RAD51C: variants seen among roughly 807,000 people sequenced by gnomAD.
RAD51C encodes the protein RAD51 paralog C, also known as DNA repair protein RAD51 homolog 3.
A neutral mutation model predicts 45.0 loss-of-function variants in RAD51C; 42 were observed. The ratio of observed to expected loss-of-function variants is 0.93; its 90% CI spans 0.73 to 1.21. The LOEUF (loss-of-function observed/expected upper bound fraction) is 1.21, where lower values mean the gene tolerates loss of function less well. RAD51C is among the 50% of genes most tolerant of loss of function. The probability of loss-of-function intolerance (pLI) is 0.00; values close to 1 mark genes in which losing one functional copy is unlikely to be tolerated. For missense variants in RAD51C, 474 were observed against 452.2 expected, an observed-to-expected ratio of 1.05 and a Z score of -0.44; for synonymous variants, 172 against 159.8, an observed-to-expected ratio of 1.08 and a Z score of -0.58.
intron 7 of RAD51C, among the ~76,000 whole-genome samples, chr17:58,726,299 T>A (rs1006297366): frequency 6.6e-6 from 1 of 150,928 alleles, no homozygotes; most frequent in Non-Finnish European, 1.5e-5. Context: ...ACTGAATAAG[T>A]AGTAAATAAT....
At position 58,720,772 on chromosome 17, in the gene RAD51C, A is replaced by C; in HGVS notation, c.864A>C (p.Thr288=). Residue 288 remains threonine, a synonymous_variant, in exon 6 of 9, where the codon ACA becomes ACC. Transcript: ENST00000337432. ...LAVILTNQMT[T]KIDRNQALLV... is the part of the protein sequence containing the mutation. ...TAATTTTAACCAATCAGATGACAAC[A>C]AAGATTGATAGAAATCAGGCCTTGC... The C allele has an allele frequency of 6.2e-7, 1 of 1,612,704 alleles. No homozygotes were observed. Among genetic ancestry groups the C allele is most frequent in the Non-Finnish European group, 8.5e-7 (1 of 1,179,108 alleles).
chr17:58,728,646 C>T (rs2049271460), intron 7 of RAD51C, among the ~76,000 whole-genome samples: 1 of 152,088 alleles, frequency 6.6e-6, no homozygotes, highest in African/African-American at 2.4e-5. Flanking sequence ...AGTCCACCTA[C>T]CTCGGCCTCC....
intron 7 of RAD51C, among the ~76,000 whole-genome samples, chr17:58,726,359 CTGTATGTATATATGTGTACATATATACG>C (rs1205830956): frequency 6.7e-5 from 10 of 149,768 alleles, no homozygotes; most frequent in African/African-American, 1.7e-4. Flanking sequence ...GTGCAAAGCA[CTGTATGTATATATGTGTACATATATACG>C]TGTATGTATA....
chr17:58,693,019 C>A, intron 1 of RAD51C: 1 of 578,452 alleles, frequency 1.7e-6, no homozygotes, highest in Non-Finnish European at 3.0e-6. Context: ...GCAATGCCTG[C>A]TGAATGCTTT....
At chr17:58,725,142 T>C (rs561843342) in intron 7 of RAD51C, among the ~76,000 whole-genome samples, 7 of 152,298 alleles carry the variant, frequency 4.6e-5, no homozygotes, top group African/African-American at 1.7e-4. Context: ...TACGTAGTGC[T>C]TTACTATTGA....
intron 3 of RAD51C, among the ~76,000 whole-genome samples, chr17:58,698,164 AC>A (rs2048085569): frequency 6.9e-6 from 1 of 144,358 alleles, no homozygotes; most frequent in Admixed American, 7.1e-5. Context: ...GGCATGTGTT[AC>A]CATGCCCAGC....
At chr17:58,727,779 T>C (rs2049224790) in intron 7 of RAD51C, among the ~76,000 whole-genome samples, 1 of 151,600 alleles carries the variant, frequency 6.6e-6, no homozygotes, top group East Asian at 1.9e-4. Flanking sequence ...AATAAAAAAT[T>C]AGCCAGGTGT....
rs1191587544 is a variant in RAD51C, at chr17:58,709,731, T to C, written c.706-128T>C. 13 of 868,394 alleles carry C rather than the reference T, an allele frequency of 1.5e-5. No homozygotes were observed. In the East Asian group the frequency reaches 2.5e-4, roughly 17 times the overall value. The allele number at this position is 868,394 out of a possible 1,614,324, so 53.8% of individuals were successfully genotyped here. ...ACTGTTCCAGGCATTGGGGATGATA[T>C]AGTAAATAAGACAGAAGAATATAGT... On this transcript the variant is annotated intron_variant, in intron 4 of 8. Transcript: ENST00000337432.
At chr17:58,732,825 AGTT>A (rs536031964) in intron 8 of RAD51C, 8 of 359,660 alleles carry the variant, frequency 2.2e-5, no homozygotes, top group Non-Finnish European at 3.6e-5. Flanking sequence ...TTAAAGTGAA[AGTT>A]GTTGAAGATT....
chr17:58,712,730 G>A (rs2048602354), intron 5 of RAD51C, among the ~76,000 whole-genome samples: 3 of 152,070 alleles, frequency 2.0e-5, no homozygotes, highest in Admixed American at 1.3e-4. Flanking sequence ...TGAGGCAGGA[G>A]AATGGCATGA....
intron 2 of RAD51C, chr17:58,695,511 G>A (rs2047972081): frequency 8.6e-6 from 3 of 348,322 alleles, no homozygotes; most frequent in Non-Finnish European, 1.2e-5. Flanking sequence ...TATGGCTAGG[G>A]GTAGTGGCTC....
chr17:58,713,976 G>GTC (rs759978971), intron 5 of RAD51C, among the ~76,000 whole-genome samples: 3 of 151,028 alleles, frequency 2.0e-5, no homozygotes, highest in African/African-American at 7.3e-5. Flanking sequence ...CTTATTGATG[G>GTC]TCTCTCTCTT....
chr17:58,721,467 A>G (rs571898433), intron 6 of RAD51C, among the ~76,000 whole-genome samples: 10 of 152,290 alleles, frequency 6.6e-5, no homozygotes, highest in African/African-American at 2.4e-4. Context: ...AGAATATTCT[A>G]CCAGAGTCTT....
At chr17:58,733,026 C>CT (rs990347458) in intron 8 of RAD51C, among the ~76,000 whole-genome samples, 23 of 151,264 alleles carry the variant, frequency 1.5e-4, no homozygotes, top group Non-Finnish European at 2.4e-4. Flanking sequence ...TTTGGCATCT[C>CT]TTTTTTTTTG....
intron 5 of RAD51C, among the ~76,000 whole-genome samples, chr17:58,710,753 G>A (rs2048531524): frequency 6.6e-6 from 1 of 152,052 alleles, no homozygotes; most frequent in African/African-American, 2.4e-5. Context: ...TGAAATGTGA[G>A]GAGAGAAGTA....
At chr17:58,726,329 T>C (rs1415369605) in intron 7 of RAD51C, among the ~76,000 whole-genome samples, 4 of 150,284 alleles carry the variant, frequency 2.7e-5, no homozygotes, top group African/African-American at 9.9e-5. Context: ...TTATTGAATA[T>C]TTCTTAACTG....
At chr17:58,732,932 A>C (rs997100546) in intron 8 of RAD51C, among the ~76,000 whole-genome samples, 1 of 152,192 alleles carries the variant, frequency 6.6e-6, no homozygotes, top group Non-Finnish European at 1.5e-5. Context: ...TAAGATGTTA[A>C]TTCTTCTGTG....
intron 5 of RAD51C, among the ~76,000 whole-genome samples, chr17:58,718,422 A>T (rs1264576942): frequency 6.6e-6 from 1 of 152,166 alleles, no homozygotes; most frequent in Non-Finnish European, 1.5e-5. Context: ...TGGAGGGAAG[A>T]TATGTATTAG....
At chr17:58,694,721 T>C in intron 1 of RAD51C, 1 of 556,228 alleles carries the variant, frequency 1.8e-6, no homozygotes, top group Non-Finnish European at 3.2e-6. Context: ...GTGATCTGGC[T>C]GCCTCAGCCT....
Sources: gnomAD v4.1 joint callset for allele counts (sites outside exome capture counted in the v4.1 genomes callset) on GRCh38, gnomAD v4.1.1 for gene constraint, MANE v1.5 for transcripts, NCBI Gene and HGNC (gene_info 2026-07-23, HGNC 2026-07-21) for gene names.